Variants in ZNF366 observed in about 807,000 individuals in gnomAD.
ZNF366 encodes zinc finger protein 366, also known as dendritic cell-specific transcript protein.
ZNF366 carries 20 observed loss-of-function variants against 47.2 expected under a neutral mutation model. The observed-to-expected ratio is 0.42, with a 90% CI of 0.30 to 0.62. The LOEUF (loss-of-function observed/expected upper bound fraction) is 0.62. Among genes scored for constraint, ZNF366 ranks in the 20% least tolerant of loss-of-function variants. The pLI is 0.16. For missense variants in ZNF366, 987 were observed against 976.3 expected (o/e 1.01, Z -0.15); for synonymous variants, 421 against 395.1 (o/e 1.07, Z -0.78).
rs541028480 is a variant in ZNF366 at position 72,448,521 on chromosome 5, A to C, written c.1525-1104T>G. Among the ~76,000 whole-genome samples, 3 of 152,264 alleles carry C rather than the reference A, an allele frequency of 2.0e-5. No individual in the cohort carries two copies. The South Asian group carries it at 6.2e-4, about 32-fold the overall frequency. ...TGGCTGTGGCAGGAGGAATGCAAAC[A>C]GTGATTTTGTGTCTGTGATTGGACA... On this transcript the variant is annotated intron_variant, in intron 3 of 4. Transcript: ENST00000318442.
chr5:72,457,188 C>T (rs1743210594), intron 2 of ZNF366, among the ~76,000 whole-genome samples: 1 of 152,192 alleles, frequency 6.6e-6, no homozygotes, highest in South Asian at 2.1e-4. Context: ...ATGGAGCCTT[C>T]CCTAAGCCAG....
At chr5:72,465,159 T>C (rs982197835) in intron 1 of ZNF366, among the ~76,000 whole-genome samples, 21 of 152,178 alleles carry the variant, frequency 1.4e-4, no homozygotes, top group African/African-American at 5.1e-4. Context: ...TTTTTCTGCA[T>C]AAAGACCTTA....
At chr5:72,446,740 T>G (rs1742968501) in intron 4 of ZNF366, among the ~76,000 whole-genome samples, 1 of 152,176 alleles carries the variant, frequency 6.6e-6, no homozygotes, top group African/African-American at 2.4e-5. Context: ...CAGTAAGGCT[T>G]GCACATCTGT....
At chr5:72,470,624 A>G (rs746693782) in intron 1 of ZNF366, among the ~76,000 whole-genome samples, 20 of 152,180 alleles carry the variant, frequency 1.3e-4, no homozygotes, top group Non-Finnish European at 1.9e-4. Context: ...CATGGTTCAA[A>G]TCCAATCATT....
At chr5:72,450,380 T>C (rs889005666) in intron 3 of ZNF366, among the ~76,000 whole-genome samples, 1 of 152,188 alleles carries the variant, frequency 6.6e-6, no homozygotes, top group Non-Finnish European at 1.5e-5. Context: ...AAATGGTGTC[T>C]GGGCTCTAAA....
intron 1 of ZNF366, among the ~76,000 whole-genome samples, chr5:72,466,167 T>C (rs1287969410): frequency 6.6e-6 from 1 of 152,216 alleles, no homozygotes; most frequent in East Asian, 1.9e-4. Context: ...GAGTTGGTCT[T>C]GTCACAGCAG....
Position 72,460,708 on chromosome 5 carries a change from G to A in ZNF366, c.789C>T (p.Thr263=), listed in dbSNP as rs368587462. 2.5e-6 allele frequency: 4 copies of A among 1,614,244 alleles called. No homozygotes were observed. Among genetic ancestry groups the A allele is most frequent in the Non-Finnish European group, 3.4e-6 (4 of 1,180,044 alleles). The change falls in exon 2 of 5, where the codon ACC becomes ACT. Residue 263 remains threonine, a synonymous_variant. Transcript: ENST00000318442. ...WQCPTCEKSY[T]SKYNLVTHIL... is the part of the protein sequence containing the mutation. ...TGTGGGTGACCAGGTTGTACTTGGA[G>A]GTGTAGGACTTCTCGCAGGTGGGGC...
intron 1 of ZNF366, among the ~76,000 whole-genome samples, chr5:72,491,771 G>T (rs1744015111): frequency 6.6e-6 from 1 of 152,126 alleles, no homozygotes. Flanking sequence ...ATTAGGGCTG[G>T]GGATCTAAAA....
At chr5:72,454,664 T>C (rs2112322539) in intron 3 of ZNF366, among the ~76,000 whole-genome samples, 1 of 152,278 alleles carries the variant, frequency 6.6e-6, no homozygotes, top group Admixed American at 6.5e-5. Context: ...GTTGATAAGA[T>C]TAAAAATTCA....
intron 1 of ZNF366, among the ~76,000 whole-genome samples, chr5:72,476,296 A>T (rs1290875884): frequency 6.6e-6 from 1 of 151,850 alleles, no homozygotes; most frequent in Non-Finnish European, 1.5e-5. Context: ...GACCAAAATC[A>T]CCTCAGGATC....
At chr5:72,467,824 T>G (rs1350233048) in intron 1 of ZNF366, among the ~76,000 whole-genome samples, 1 of 152,162 alleles carries the variant, frequency 6.6e-6, no homozygotes, top group Admixed American at 6.5e-5. Context: ...ACTTATGTGA[T>G]GTACCCTAGA....
At chr5:72,486,701 T>A (rs1743897920) in intron 1 of ZNF366, among the ~76,000 whole-genome samples, 1 of 152,202 alleles carries the variant, frequency 6.6e-6, no homozygotes, top group Admixed American at 6.5e-5. Flanking sequence ...CTCAGGAATC[T>A]GTCTCTGAAC....
At chr5:72,487,238 G>A (rs557781276) in intron 1 of ZNF366, among the ~76,000 whole-genome samples, 3 of 152,262 alleles carry the variant, frequency 2.0e-5, no homozygotes, top group East Asian at 1.9e-4. Context: ...CTGAAATTGA[G>A]CTCTCTGTCT....
At chr5:72,484,690 G>C (rs1355616229) in intron 1 of ZNF366, among the ~76,000 whole-genome samples, 1 of 151,976 alleles carries the variant, frequency 6.6e-6, no homozygotes. Flanking sequence ...CTTCAGGAGC[G>C]ATGACAAGAG....
chr5:72,490,568 A>G (rs963804020), intron 1 of ZNF366, among the ~76,000 whole-genome samples: 1 of 152,178 alleles, frequency 6.6e-6, no homozygotes, highest in African/African-American at 2.4e-5. Context: ...TCGTGGAGGC[A>G]TGGGCACTGT....
chr5:72,472,586 A>G (rs1743592691), intron 1 of ZNF366: 2 of 984,670 alleles, frequency 2.0e-6, no homozygotes, highest in Non-Finnish European at 2.4e-6. Flanking sequence ...TAAGTCCAAA[A>G]ATGAACTGCA....
chr5:72,470,312 C>A (rs1743534546), intron 1 of ZNF366, among the ~76,000 whole-genome samples: 2 of 152,196 alleles, frequency 1.3e-5, no homozygotes, highest in Admixed American at 1.3e-4. Flanking sequence ...ACCTGAGCAG[C>A]CAACTGCCTT....
At chr5:72,463,180 C>T (rs1366260076) in intron 1 of ZNF366, among the ~76,000 whole-genome samples, 2 of 152,174 alleles carry the variant, frequency 1.3e-5, no homozygotes, top group Non-Finnish European at 1.5e-5. Flanking sequence ...CTTGGCGAGT[C>T]GGATACAGCT....
intron 3 of ZNF366, among the ~76,000 whole-genome samples, chr5:72,452,965 G>A (rs887002584): frequency 6.6e-6 from 1 of 152,140 alleles, no homozygotes; most frequent in Admixed American, 6.5e-5. Context: ...CAAGAAGCAC[G>A]AGTCCAAAAG....
Sources: allele counts gnomAD v4.1 joint callset (sites outside exome capture counted in the v4.1 genomes callset), GRCh38; gene constraint gnomAD v4.1.1; transcripts MANE v1.5; gene names NCBI Gene and HGNC (gene_info 2026-07-23, HGNC 2026-07-21).